Variants in CNTN4 observed in about 807,000 individuals in gnomAD.
CNTN4 encodes the protein contactin 4, also known as contactin-4.
Under a neutral mutation model 122.5 loss-of-function variants are expected in CNTN4, and 77 were observed. The observed-to-expected ratio is 0.63, with a 90% CI of 0.52 to 0.76. The LOEUF (loss-of-function observed/expected upper bound fraction) is 0.76, where lower values mean the gene tolerates loss of function less well. Among genes scored for constraint, CNTN4 ranks in the 30% least tolerant of loss-of-function variants. CNTN4 has a pLI of 0.00. For missense variants in CNTN4, 1,256 were observed against 1,259.1 expected, an observed-to-expected ratio of 1.00 and a Z score of 0.04; for synonymous variants, 512 against 447.0, an observed-to-expected ratio of 1.15 and a Z score of -1.83.
At chr3:2,357,985 C>G (rs1411400084) in intron 3 of CNTN4, among the ~76,000 whole-genome samples, 2 of 152,116 alleles carry the variant, frequency 1.3e-5, no homozygotes, top group Non-Finnish European at 2.9e-5. Flanking sequence ...GTGAATTCTA[C>G]ACTTATCGTT....
intron 1 of CNTN4, among the ~76,000 whole-genome samples, chr3:2,100,016 C>T (rs1483283539): frequency 6.6e-6 from 1 of 152,190 alleles, no homozygotes; most frequent in Admixed American, 6.5e-5. Flanking sequence ...GAGGCGGCTT[C>T]GCGCGTCGGG....
At chr3:2,470,427 C>G (rs1009987427) in intron 3 of CNTN4, among the ~76,000 whole-genome samples, 3 of 152,108 alleles carry the variant, frequency 2.0e-5, no homozygotes, top group African/African-American at 7.2e-5. Flanking sequence ...CGCTTCTCAA[C>G]AGTGTAATTT....
intron 14 of CNTN4, among the ~76,000 whole-genome samples, chr3:2,991,568 G>A (rs1009836257): frequency 6.6e-6 from 1 of 152,072 alleles, no homozygotes; most frequent in Non-Finnish European, 1.5e-5. Flanking sequence ...AGTGTGGTTG[G>A]TTCTCACTCC....
At position 3,037,213 on chromosome 3, in the gene CNTN4, G is replaced by C; in HGVS notation, c.1977G>C (p.Ala659=). 6.2e-6 allele frequency: 10 copies of C among 1,614,152 alleles called. No homozygotes were observed. Among genetic ancestry groups the C allele is most frequent in the South Asian group, 2.2e-5 (2 of 91,058 alleles). Residue 659 remains alanine (A), a synonymous_variant, in exon 18 of 25, where the codon GCG becomes GCC. Transcript: ENST00000418658. The part of the protein sequence containing the change: ...PELIDGKTFT[A]TVVGLNPWVE... ...TCATTGATGGGAAGACATTCACAGC[G>C]ACCGTGGTGGGTTTGAACCCTTGGG...
At chr3:2,630,338 C>G (rs1288514165) in intron 4 of CNTN4, among the ~76,000 whole-genome samples, 3 of 152,124 alleles carry the variant, frequency 2.0e-5, no homozygotes, top group Non-Finnish European at 2.9e-5. Flanking sequence ...ACTCGGGAGG[C>G]TGAGGTGGGA....
At position 2,649,360 on chromosome 3, in the gene CNTN4, G is replaced by T. The variant is rs141165587; in HGVS notation, c.55+77802G>T. On this transcript the variant is annotated intron_variant, in intron 4 of 24. Coordinates refer to ENST00000418658, the MANE Select transcript of CNTN4 (RefSeq NM_175607.3). ...GGACGGGCTTACTTTCTTGTTAGGG[G>T]TTAATACAGCTGGTGACTTTAAGTT... Among the ~76,000 whole-genome samples the T allele has an allele frequency of 3.9e-4, 60 of 152,306 alleles. No individual in the cohort carries two copies. In the East Asian group the frequency reaches 0.011, roughly 29 times the overall value.
intron 6 of CNTN4, among the ~76,000 whole-genome samples, chr3:2,747,900 A>C (rs1049825812): frequency 6.6e-6 from 1 of 152,148 alleles, no homozygotes; most frequent in Non-Finnish European, 1.5e-5. Flanking sequence ...AAATTGAGCC[A>C]AATATCTCAA....
At chr3:2,949,825 C>G (rs1368394645) in intron 13 of CNTN4, among the ~76,000 whole-genome samples, 1 of 152,176 alleles carries the variant, frequency 6.6e-6, no homozygotes, top group African/African-American at 2.4e-5. Context: ...ACTTACAATA[C>G]CCAAACCCTA....
At chr3:2,729,305 C>T (rs540107688) in intron 4 of CNTN4, among the ~76,000 whole-genome samples, 2 of 152,166 alleles carry the variant, frequency 1.3e-5, no homozygotes, top group African/African-American at 4.8e-5. Context: ...TGGCTCACGC[C>T]TGTAATCCTA....
intron 6 of CNTN4, among the ~76,000 whole-genome samples, chr3:2,790,682 A>T (rs930301192): frequency 2.0e-5 from 3 of 152,174 alleles, no homozygotes; most frequent in African/African-American, 7.2e-5. Context: ...TGGTTGTAGC[A>T]GGGCAAGTTT....
rs1344239042 is a variant in CNTN4 at position 2,903,006 on chromosome 3, G to A, written c.1207+1G>A. ...TCCAACGCAGAGCTTAGTGTTATAG[G>A]TGAGTCTTTATACTGGCAAGAAAAA... is the stretch of plus-strand genomic sequence containing the variant. On this transcript the variant is annotated splice_donor_variant, in intron 12 of 24. Transcript: ENST00000418658. LOFTEE classifies it high-confidence loss of function. 1.9e-6 allele frequency: 3 copies of A among 1,613,446 alleles called. No individual in the cohort carries two copies. The highest frequency in any genetic ancestry group is 2.5e-6 in the Non-Finnish European group (3 of 1,179,676).
intron 6 of CNTN4, among the ~76,000 whole-genome samples, chr3:2,768,076 A>T (rs1214083596): frequency 6.6e-6 from 1 of 152,222 alleles, no homozygotes. Flanking sequence ...TTAGAGATGA[A>T]CAAATGTTTT....
At chr3:2,373,214 T>C (rs147012864) in intron 3 of CNTN4, among the ~76,000 whole-genome samples, 81 of 152,334 alleles carry the variant, frequency 5.3e-4, no homozygotes, top group African/African-American at 1.9e-3. Flanking sequence ...TGTTGTTCTT[T>C]AGTTAACCTC....
chr3:2,270,535 G>A (rs2041251989), intron 2 of CNTN4, among the ~76,000 whole-genome samples: 1 of 152,076 alleles, frequency 6.6e-6, no homozygotes, highest in Non-Finnish European at 1.5e-5. Flanking sequence ...TACTTGTTAT[G>A]ACCTGTGGGG....
rs75780733 is a variant in CNTN4 at position 2,857,332 on chromosome 3, G to A, written c.455-9420G>A. ...GTATTCTATACTTGGCTGTCAAAGG[G>A]TATCCATGCTTCAAGGGATTAACAC... On this transcript the variant is annotated intron_variant, in intron 7 of 24. Transcript: ENST00000418658. 7.1e-3 allele frequency among the ~76,000 whole-genome samples: 1,083 copies of A among 152,276 alleles called. 12 individuals are homozygous for A. The highest frequency in any genetic ancestry group is 0.025 in the African/African-American group (1,041 of 41,542).
intron 7 of CNTN4, among the ~76,000 whole-genome samples, chr3:2,860,147 C>G (rs1312332729): frequency 6.6e-6 from 1 of 152,202 alleles, no homozygotes; most frequent in Admixed American, 6.5e-5. Flanking sequence ...TAGTACTAGG[C>G]CTTATCTAAT....
At chr3:2,870,034 A>G (rs1178711463) in intron 8 of CNTN4, among the ~76,000 whole-genome samples, 2 of 152,206 alleles carry the variant, frequency 1.3e-5, no homozygotes, top group Non-Finnish European at 1.5e-5. Flanking sequence ...GTTTTGGTCT[A>G]TCAAGTCATG....
chr3:2,160,364 G>A (rs371885817), intron 2 of CNTN4, among the ~76,000 whole-genome samples: 9 of 152,120 alleles, frequency 5.9e-5, no homozygotes, highest in African/African-American at 2.2e-4. Context: ...TTGTATCCTG[G>A]TTAAGAGGTA....
chr3:2,664,161 A>G (rs919995402), intron 4 of CNTN4, among the ~76,000 whole-genome samples: 3 of 152,362 alleles, frequency 2.0e-5, no homozygotes, highest in South Asian at 2.1e-4. Context: ...GGTAAATTGC[A>G]TGGTGTATGA....
Sources: allele counts gnomAD v4.1 joint callset (sites outside exome capture counted in the v4.1 genomes callset), GRCh38; gene constraint gnomAD v4.1.1; transcripts MANE v1.5; gene names NCBI Gene and HGNC (gene_info 2026-07-23, HGNC 2026-07-21).